The following PSMA3 variants were observed in gnomAD, a reference collection of about 807,000 sequenced individuals.
PSMA3 encodes the protein proteasome subunit alpha type-3.
A neutral mutation model predicts 40.0 loss-of-function variants in PSMA3; 8 were observed. That is an observed-to-expected ratio of 0.20 (90% CI 0.12 to 0.36). PSMA3 has a LOEUF of 0.36. PSMA3 is among the 10% of genes least tolerant of loss of function. The pLI is 1.00. For synonymous variants in PSMA3, 110 were observed against 100.0 expected (o/e 1.10, Z -0.59); for missense variants, 219 against 310.6 (o/e 0.70, Z 2.22).
intron 1 of PSMA3, among the ~76,000 whole-genome samples, chr14:58,246,523 C>G (rs536661421): frequency 3.2e-4 from 48 of 152,180 alleles, no homozygotes; most frequent in Non-Finnish European, 2.2e-4. Flanking sequence ...CTCAGCCTCC[C>G]GAAGAGCTGG....
intron 10 of PSMA3, among the ~76,000 whole-genome samples, chr14:58,271,647 T>G (rs1890629240): frequency 6.6e-6 from 1 of 152,184 alleles, no homozygotes; most frequent in Non-Finnish European, 1.5e-5. Context: ...TAAGTATATA[T>G]TCTATCAAAG....
intron 1 of PSMA3, among the ~76,000 whole-genome samples, chr14:58,246,052 T>C (rs1167572748): frequency 6.6e-6 from 1 of 152,188 alleles, no homozygotes; most frequent in Non-Finnish European, 1.5e-5. Flanking sequence ...AATGTAACCA[T>C]GTGGGATATT....
Position 58,256,283 on chromosome 14 carries a change from C to G in PSMA3, c.229-1462C>G, listed in dbSNP as rs530928173. ...AACAAAACAGTTACAGGTTGAGTATCTCTCGTCTAAAATGCTTGGGACCAG... is the reference window on the plus strand; with the variant it reads ...AACAAAACAGTTACAGGTTGAGTATGTCTCGTCTAAAATGCTTGGGACCAG... On this transcript the variant is annotated intron_variant, in intron 3 of 10. Transcript: ENST00000216455. 3.3e-5 allele frequency among the ~76,000 whole-genome samples: 5 copies of G among 152,270 alleles called. No individual in the cohort carries two copies. In the South Asian group the frequency reaches 1.0e-3, roughly 32 times the overall value.
chr14:58,261,162 A>G (rs1817167783), intron 6 of PSMA3, 142 bp downstream of exon 6: 11 of 608,820 alleles, frequency 1.8e-5, no homozygotes, highest in Non-Finnish European at 3.0e-5. Flanking sequence ...TTTTACAACA[A>G]CCTCTTGTCC....
At chr14:58,251,109 A>T (rs1202262419) in intron 2 of PSMA3, among the ~76,000 whole-genome samples, 1 of 152,136 alleles carries the variant, frequency 6.6e-6, no homozygotes, top group Non-Finnish European at 1.5e-5. Flanking sequence ...ATTAAAAAAA[A>T]GAAGAAAGAG....
intron 5 of PSMA3, among the ~76,000 whole-genome samples, chr14:58,259,120 C>G (rs781062902): frequency 6.6e-6 from 1 of 151,912 alleles, no homozygotes; most frequent in Non-Finnish European, 1.5e-5. Flanking sequence ...TTTGTAGAGA[C>G]GGGGTCTCAC....
chr14:58,263,508 G>C (rs1430757968), intron 6 of PSMA3, 197 bp from the exon 7 acceptor site: 3 of 432,642 alleles, frequency 6.9e-6, no homozygotes, highest in Non-Finnish European at 1.2e-5. Context: ...AAAAATACAG[G>C]TTGTTTTGGA....
At chr14:58,269,388 T>C (rs988336606) in intron 8 of PSMA3, among the ~76,000 whole-genome samples, 2 of 152,094 alleles carry the variant, frequency 1.3e-5, no homozygotes, top group South Asian at 2.1e-4. Flanking sequence ...CAAGAAGCTA[T>C]AGGTTGAAGA....
At chr14:58,264,611 C>A (rs891918478) in intron 7 of PSMA3, 3 of 152,320 alleles carry the variant, frequency 2.0e-5, no homozygotes, top group East Asian at 3.9e-4. Context: ...TACTAGAACC[C>A]TGCTCAACTA....
At chr14:58,253,567 A>AT (rs1485040157) in intron 3 of PSMA3, among the ~76,000 whole-genome samples, 2 of 152,058 alleles carry the variant, frequency 1.3e-5, no homozygotes, top group Admixed American at 6.6e-5. Context: ...TCCTGAACAG[A>AT]TTTTTTTATT....
chr14:58,256,008 G>A (rs1055337640), intron 3 of PSMA3, among the ~76,000 whole-genome samples: 2 of 151,936 alleles, frequency 1.3e-5, no homozygotes, highest in African/African-American at 2.4e-5. Context: ...ATAGGTGCCC[G>A]CCACCAAACC....
At chr14:58,254,144 G>A (rs116491234) in intron 3 of PSMA3, among the ~76,000 whole-genome samples, 9,288 of 150,812 alleles carry the variant, frequency 0.062, 324 homozygotes, top group South Asian at 0.11. Context: ...TTATAAGAGA[G>A]AACATGTGGT....
chr14:58,255,597 T>C (rs1403526576), intron 3 of PSMA3, among the ~76,000 whole-genome samples: 1 of 152,122 alleles, frequency 6.6e-6, no homozygotes, highest in Non-Finnish European at 1.5e-5. Flanking sequence ...GGAGAAACCC[T>C]GTCTCTACTA....
At chr14:58,262,227 C>T (rs1310914577) in intron 6 of PSMA3, among the ~76,000 whole-genome samples, 5 of 151,794 alleles carry the variant, frequency 3.3e-5, no homozygotes, top group Non-Finnish European at 7.4e-5. Context: ...CAGTGCCGGA[C>T]CTAATTTTGT....
intron 6 of PSMA3, among the ~76,000 whole-genome samples, chr14:58,262,391 A>G (rs947164267): frequency 6.6e-6 from 1 of 152,048 alleles, no homozygotes; most frequent in Admixed American, 6.6e-5. Context: ...TTTTCAGTAG[A>G]GACGAGGTTT....
chr14:58,252,060 A>C, intron 2 of PSMA3, 59 bp from the exon 3 acceptor site: 2 of 1,531,100 alleles, frequency 1.3e-6, no homozygotes, highest in Non-Finnish European at 1.8e-6. Context: ...GTTAAACTTA[A>C]GTTTATGAAG....
intron 8 of PSMA3, chr14:58,269,653 C>G (rs924979624): frequency 2.0e-5 from 3 of 151,266 alleles, no homozygotes; most frequent in Non-Finnish European, 4.4e-5. Context: ...AGGATGGTCT[C>G]GAACTCCTGA....
At chr14:58,246,282 A>G (rs1299893324) in intron 1 of PSMA3, among the ~76,000 whole-genome samples, 1 of 152,166 alleles carries the variant, frequency 6.6e-6, no homozygotes, top group Non-Finnish European at 1.5e-5. Flanking sequence ...TCACCTTGCC[A>G]TTTTGCATCT....
Position 58,270,437 on chromosome 14 carries a change from G to A in PSMA3, c.610G>A (p.Glu204Lys), listed in dbSNP as rs1009646696. The change falls in exon 9 of 11, where the codon GAA (glutamate) becomes AAA (lysine). Residue 204 changes from glutamate to lysine, a missense_variant. Coordinates refer to ENST00000216455, the MANE Select transcript of PSMA3 (RefSeq NM_002788.4). ...VAKIIYIVHDEVKDKAFELEL... is the reference protein window; with the variant it reads ...VAKIIYIVHDKVKDKAFELEL... ...TTCTAGAATTTACATAGTACATGAC[G>A]AAGTTAAGGATAAAGCTTTTGAACT... The A allele has an allele frequency of 2.5e-6, 4 of 1,613,538 alleles. No homozygotes were observed. The highest frequency in any genetic ancestry group is 1.3e-5 in the African/African-American group (1 of 74,994).
Sources: gnomAD v4.1 joint callset for allele counts (sites outside exome capture counted in the v4.1 genomes callset) on GRCh38, gnomAD v4.1.1 for gene constraint, MANE v1.5 for transcripts, NCBI Gene and HGNC (gene_info 2026-07-23, HGNC 2026-07-21) for gene names.